The following ZDHHC11 variants were observed in gnomAD, a reference collection of about 807,000 sequenced individuals.
ZDHHC11 encodes the protein palmitoyltransferase ZDHHC11.
In ZDHHC11, 44 loss-of-function variants were observed where a neutral mutation model predicts 51.3. The observed-to-expected ratio is 0.86, with a 90% CI of 0.67 to 1.10. The LOEUF (loss-of-function observed/expected upper bound fraction) is 1.10, where lower values mean the gene tolerates loss of function less well. Among genes scored for constraint, ZDHHC11 ranks in the 50% least tolerant of loss-of-function variants. The pLI, the probability that ZDHHC11 is intolerant of heterozygous loss-of-function variation, is 0.00. For missense variants in ZDHHC11, 400 were observed against 537.7 expected (o/e 0.74, Z 2.53); for synonymous variants, 163 against 222.0 (o/e 0.73, Z 2.36).
chr5:799,745 G>A (rs1738141972), intron 12 of ZDHHC11, among the ~76,000 whole-genome samples: 1 of 151,648 alleles, frequency 6.6e-6, no homozygotes, highest in Admixed American at 6.6e-5. Context: ...AGCTTCTTAA[G>A]TTTGTCCTCC....
chr5:833,601 T>C (rs1171155880), intron 7 of ZDHHC11, among the ~76,000 whole-genome samples, 172 bp downstream of exon 7: 1 of 150,736 alleles, frequency 6.6e-6, no homozygotes, highest in Non-Finnish European at 1.5e-5. Flanking sequence ...AGATAGATAA[T>C]TTGGTATAAT....
intron 7 of ZDHHC11, among the ~76,000 whole-genome samples, chr5:829,197 A>C (rs569418641): frequency 2.7e-5 from 4 of 150,702 alleles, no homozygotes; most frequent in Non-Finnish European, 5.9e-5. Context: ...AAACCACAAA[A>C]GATAAATCAA....
rs966661437 is a variant in ZDHHC11 at position 799,560 on chromosome 5, A to C, written c.*7+1540T>G. Among the ~76,000 whole-genome samples, 3 of 151,406 alleles carry C rather than the reference A, an allele frequency of 2.0e-5. 1 individual carries two copies. The highest frequency in any genetic ancestry group is 6.6e-5 in the Admixed American group (1 of 15,192). The stretch of plus-strand genomic sequence containing the variant: ...TGCTCACATGGAAGGATGTCCACAG[A>C]AGCTGTCAGTTTTTGCAGATTATTT... On this transcript the variant is annotated intron_variant, in intron 12 of 12. Transcript: ENST00000283441.
rs1206969339 is a variant in ZDHHC11 at position 822,581 on chromosome 5, G to A, written c.1024-686C>T. ...CATCTGAAGCTTTGCCAAACTGCTC[G>A]CCAATGTGGCATCATCTTTCATCCC... On this transcript the variant is annotated intron_variant, in intron 8 of 12. Coordinates refer to ENST00000283441, the MANE Select transcript of ZDHHC11 (RefSeq NM_024786.3). 1.3e-4 allele frequency among the ~76,000 whole-genome samples: 19 copies of A among 151,632 alleles called. 1 individual carries two copies. In the East Asian group the frequency reaches 2.1e-3, roughly 17 times the overall value.
At chr5:802,209 A>T (rs1738522597) in intron 11 of ZDHHC11, among the ~76,000 whole-genome samples, 1 of 151,196 alleles carries the variant, frequency 6.6e-6, no homozygotes, top group Non-Finnish European at 1.5e-5. Context: ...CCCAAACCAT[A>T]GGCAACAATG....
At position 796,068 on chromosome 5, in the gene ZDHHC11, C is replaced by A. The variant is rs1330423015; in HGVS notation, c.*520G>T. ...GCTCCCACTTCCCAGTACTGTGCTC[C>A]CATTTCCCAATACTGTGCTCCCATT... On this transcript the variant is annotated 3_prime_UTR_variant, in exon 13 of 13. Coordinates refer to ENST00000283441, the MANE Select transcript of ZDHHC11 (RefSeq NM_024786.3). The A allele has an allele frequency of 6.4e-6, 1 of 157,144 alleles. No individual in the cohort carries two copies. The highest frequency in any genetic ancestry group is 2.0e-4 in the South Asian group (1 of 4,918). The allele number at this position is 157,144 out of a possible 1,614,324, so 9.7% of individuals were successfully genotyped here.
chr5:821,740 C>T, intron 9 of ZDHHC11, 121 bp downstream of exon 9: 3 of 1,012,846 alleles, frequency 3.0e-6, no homozygotes, highest in Non-Finnish European at 4.3e-6. Flanking sequence ...CACCTCCTGG[C>T]ACTTCAGGAT....
At chr5:856,649 C>A (rs996952288) in intron 1 of ZDHHC11, among the ~76,000 whole-genome samples, 1 of 151,728 alleles carries the variant, frequency 6.6e-6, no homozygotes, top group Non-Finnish European at 1.5e-5. Context: ...AAACACACCA[C>A]ACACTGCACG....
chr5:822,843 A>G (rs2150339135), intron 8 of ZDHHC11, among the ~76,000 whole-genome samples: 1 of 151,762 alleles, frequency 6.6e-6, no homozygotes, highest in African/African-American at 2.4e-5. Context: ...CAGCTACTCT[A>G]ATGGGGTGCA....
chr5:832,919 CTG>C (rs1357303572), intron 7 of ZDHHC11, among the ~76,000 whole-genome samples: 4 of 151,628 alleles, frequency 2.6e-5, no homozygotes, highest in African/African-American at 7.2e-5. Flanking sequence ...AACCTCTACA[CTG>C]TGAAAGATCC....
chr5:822,896 A>G (rs1446534383), intron 8 of ZDHHC11, among the ~76,000 whole-genome samples: 3,120 of 138,370 alleles, frequency 0.023, no homozygotes, highest in East Asian at 0.074. Flanking sequence ...CCCTGGTGGC[A>G]AATGATGTTG....
At chr5:843,820 ACGGGGTGGGCAGGGGCGGGCGTGGGGGG>A (rs1270656483) in intron 3 of ZDHHC11, 96 bp from the exon 4 acceptor site, 1 of 81,128 alleles carries the variant, frequency 1.2e-5, no homozygotes, top group African/African-American at 4.9e-5. Flanking sequence ...GGGGGTGTGC[ACGGGGTGGGCAGGGGCGGGCGTGGGGGG>A]CACAGCGGCA....
At chr5:825,341 A>C in intron 7 of ZDHHC11, 90 bp from the exon 8 acceptor site, 7 of 1,323,560 alleles carry the variant, frequency 5.3e-6, no homozygotes, top group Non-Finnish European at 7.6e-6. Flanking sequence ...TCGTGTCAGC[A>C]CCACTGCTGT....
rs1288906620 is a variant in ZDHHC11, at chr5:796,222, C to T, written c.*366G>A. 2 of 154,684 alleles carry T rather than the reference C, an allele frequency of 1.3e-5. No individual in the cohort carries two copies. Among genetic ancestry groups the T allele is most frequent in the African/African-American group, 4.8e-5 (2 of 41,336 alleles). 9.6% of individuals were successfully genotyped at this position (154,684 alleles called of 1,614,324 possible). ...CAGGTGTGAGCCAACATGCCCGGCC[C>T]ATCAGCTCTTAAGCAGCAAGAGGCC... is the stretch of plus-strand genomic sequence containing the variant. On this transcript the variant is annotated 3_prime_UTR_variant, in exon 13 of 13. Coordinates refer to ENST00000283441, the MANE Select transcript of ZDHHC11 (RefSeq NM_024786.3).
rs2878467 is a variant in ZDHHC11, at chr5:825,216, T to C, written c.971A>G (p.His324Arg). 1 of 1,612,618 alleles carries C rather than the reference T, an allele frequency of 6.2e-7. No homozygotes were observed. Among genetic ancestry groups the C allele is most frequent in the Non-Finnish European group, 8.5e-7 (1 of 1,179,182 alleles). The change falls in exon 8 of 13, where the codon CAC becomes CGC. Residue 324 changes from histidine (H) to arginine (R), a missense_variant. Transcript: ENST00000283441. Reference sequence around the variant, plus strand: ...TACTGAAGTGCAGAAGTGACATAAGTGCTTGTGAATCAGCAGGGAGCTCTT... The same window carrying C: ...TACTGAAGTGCAGAAGTGACATAAGCGCTTGTGAATCAGCAGGGAGCTCTT... ...KAKSSLLIHK[H>R]LCHFCTSVNQ...
At chr5:840,929 C>T (rs1744755183) in intron 4 of ZDHHC11, 10 of 1,364,792 alleles carry the variant, frequency 7.3e-6, no homozygotes, top group Non-Finnish European at 9.6e-6. Flanking sequence ...TTCCTAAGTG[C>T]TGGGGTCACA....
In ZDHHC11 at chr5:804,090, C is replaced by T. The variant is rs182246906; in HGVS notation, c.1182-2926G>A. Among the ~76,000 whole-genome samples the T allele has an allele frequency of 4.8e-4, 73 of 151,272 alleles. 3 individuals carry two copies. Among genetic ancestry groups the T allele is most frequent in the Middle Eastern group, 3.4e-3 (1 of 292 alleles). On this transcript the variant is annotated intron_variant, in intron 11 of 12. Coordinates refer to ENST00000283441, the MANE Select transcript of ZDHHC11 (RefSeq NM_024786.3). The stretch of plus-strand genomic sequence containing the variant: ...AAAGAGGCAGAAAAAATACAGTGTT[C>T]GCCCATTATCAGCAGTTGTGTTTTC...
chr5:816,437 C>T (rs1347050861), intron 10 of ZDHHC11: 10 of 454,840 alleles, frequency 2.2e-5, no homozygotes, highest in African/African-American at 6.0e-5. Context: ...AGGCAGTGGC[C>T]GTAGCGGCAT....
chr5:819,715 G>A lies in ZDHHC11; in HGVS notation c.1059-103C>T, dbSNP rs532150103. ...GTCCTGTAAGCACCACTGCAGTGGG[G>A]CCCATGTGTCTCAGAAACTGGAGAC... On this transcript the variant is annotated intron_variant, in intron 9 of 12. Coordinates refer to ENST00000283441, the MANE Select transcript of ZDHHC11 (RefSeq NM_024786.3). 6.3e-5 allele frequency: 77 copies of A among 1,225,496 alleles called. 2 individuals carry two copies. The South Asian group carries it at 9.7e-4, about 15-fold the overall frequency. The allele number at this position is 1,225,496 out of a possible 1,614,324, so 75.9% of individuals were successfully genotyped here. A position where few individuals can be genotyped will look rare whatever the true frequency, so the allele number is the denominator to read the frequency against.
Sources: gnomAD v4.1 joint callset for allele counts (sites outside exome capture counted in the v4.1 genomes callset) on GRCh38, gnomAD v4.1.1 for gene constraint, MANE v1.5 for transcripts, NCBI Gene and HGNC (gene_info 2026-07-23, HGNC 2026-07-21) for gene names.